Variants in OFD1 observed in about 807,000 individuals in gnomAD.
OFD1 encodes OFD1 centriole and centriolar satellite protein, also known as centriole and centriolar satellite protein OFD1.
A neutral mutation model predicts 81.4 loss-of-function variants in OFD1; 12 were observed. That is an observed-to-expected ratio of 0.15 (90% confidence interval 0.09 to 0.24). The LOEUF (loss-of-function observed/expected upper bound fraction) is 0.24. OFD1 is among the 10% of genes least tolerant of loss of function. OFD1 has a pLI of 1.00. For synonymous variants in OFD1, 256 were observed against 263.7 expected (o/e 0.97, Z 0.28); for missense variants, 685 against 733.9 (o/e 0.93, Z 0.77).
chrX:13,738,793 A>C (rs910827043), intron 3 of OFD1, 53 bp from the exon 4 acceptor site: 4 of 717,014 alleles, frequency 5.6e-6, no homozygotes, highest in Non-Finnish European at 8.8e-6. Context: ...CTAATTTATC[A>C]TTTAAACACT....
rs2047566419 is a variant in OFD1, at chrX:13,753,161, C to T, written c.1056-207C>T. 4 of 1,042,131 alleles carry T rather than the reference C, an allele frequency of 3.8e-6. No homozygotes were observed. In the East Asian group the frequency reaches 1.1e-4, roughly 29 times the overall value. The allele number at this position is 1,042,131 out of a possible 1,213,427, so 85.9% of individuals were successfully genotyped here. A position where few individuals can be genotyped will look rare whatever the true frequency, so the allele number is the denominator to read the frequency against. On this transcript the variant is annotated intron_variant, in intron 10 of 22. Coordinates refer to ENST00000340096, the MANE Select transcript of OFD1 (RefSeq NM_003611.3). ...TTTTGTGTGATTGAGTTTTGGGACC[C>T]AGTTTATAGGATCAAGGAAGGGTTT... is the stretch of plus-strand genomic sequence containing the variant.
chrX:13,754,020 C>T (rs1177536691), intron 11 of OFD1, among the ~76,000 whole-genome samples: 16 of 106,745 alleles, frequency 1.5e-4, no homozygotes, highest in African/African-American at 5.5e-4. Flanking sequence ...CTCGCTCTGT[C>T]ACCTAGGCTG....
chrX:13,761,109 C>T lies in OFD1; in HGVS notation c.2285C>T (p.Ser762Phe), dbSNP rs1457917222. ...GGTCTGGGCAGATCACACATTGCTT[C>T]CCCCAGTCCTTGTCCTGACAGAATG... is the stretch of plus-strand genomic sequence containing the variant. Reference protein sequence around the residue: ...LEGLGRSHIASPSPCPDRMPL... With the variant: ...LEGLGRSHIAFPSPCPDRMPL... Residue 762 changes from serine (S) to phenylalanine (F), a missense_variant, in exon 17 of 23, where the codon TCC becomes TTC. Around this residue, in one of 3 missense-constraint regions of OFD1, gnomAD observed 259 missense variants for 254.4 expected, o/e 1.02. Coordinates refer to ENST00000340096, the MANE Select transcript of OFD1 (RefSeq NM_003611.3). 8.3e-7 allele frequency: 1 copy of T among 1,208,813 alleles called. No individual in the cohort carries two copies. Among genetic ancestry groups the T allele is most frequent in the East Asian group, 3.0e-5 (1 of 33,772 alleles).
At chrX:13,725,681 A>C in the OFD1 span, among the ~76,000 whole-genome samples, 12 of 112,625 alleles carry the variant, frequency 1.1e-4, no homozygotes, top group African/African-American at 3.2e-4. Flanking sequence ...AAAATTCTAA[A>C]AATGAGAGTG....
At chrX:13,734,691 C>G (rs1299487765), upstream of OFD1, 1 of 954,075 alleles carries the variant, frequency 1.0e-6, no homozygotes, top group Non-Finnish European at 1.3e-6. Context: ...CAAGCTCATG[C>G]GCCGTAGCTC....
At chrX:13,770,007 A>C (rs1311648781), downstream of OFD1, among the ~76,000 whole-genome samples, 3 of 112,041 alleles carry the variant, frequency 2.7e-5, no homozygotes, top group Non-Finnish European at 5.6e-5. Context: ...CCTCATACTT[A>C]ATGAATGGGC....
At chrX:13,715,897 T>C in the OFD1 span, 90 of 1,057,043 alleles carry the variant, frequency 8.5e-5, no homozygotes, top group African/African-American at 1.6e-3. Flanking sequence ...GGAAAGCTAG[T>C]CTGAAAGGTA....
intron 8 of OFD1, among the ~76,000 whole-genome samples, 197 bp downstream of exon 8, chrX:13,747,150 G>C (rs763266679): frequency 8.9e-6 from 1 of 112,002 alleles, no homozygotes; most frequent in Non-Finnish European, 1.9e-5. Context: ...TGATGGAAAG[G>C]CGAGAACTGT....
the OFD1 span, among the ~76,000 whole-genome samples, chrX:13,717,304 A>G: frequency 6.3e-5 from 7 of 111,901 alleles, no homozygotes; most frequent in Non-Finnish European, 1.1e-4. Flanking sequence ...TGTCAATAGC[A>G]GGACACAGTC....
upstream of OFD1, chrX:13,733,967 C>A: frequency 2.0e-6 from 1 of 510,726 alleles, no homozygotes. Context: ...CTGGCTGTAA[C>A]ATTTTCATTA....
At chrX:13,724,966 C>G in the OFD1 span, among the ~76,000 whole-genome samples, 21 of 113,387 alleles carry the variant, frequency 1.9e-4, no homozygotes, top group Admixed American at 1.8e-3. Context: ...CCTGGCTCGG[C>G]AGGTCCCACG....
chrX:13,748,076 A>G (rs1343481695), intron 8 of OFD1, among the ~76,000 whole-genome samples: 1 of 112,068 alleles, frequency 8.9e-6, no homozygotes, highest in African/African-American at 3.2e-5. Flanking sequence ...GCTTCTCAAT[A>G]AGACCTAGTT....
At chrX:13,728,449 C>G in the OFD1 span, among the ~76,000 whole-genome samples, 2 of 111,920 alleles carry the variant, frequency 1.8e-5, no homozygotes, top group Non-Finnish European at 1.9e-5. Context: ...GTTCAACATA[C>G]GCAAATCGAT....
rs1364923070 is a variant in OFD1 at position 13,753,225 on chromosome X, T to C, written c.1056-143T>C. ...ATGTTCAGGGGTTATATCCCTGGCT[T>C]TAGTATTGAGGACTTTGAAGTTTAC... On this transcript the variant is annotated intron_variant, in intron 10 of 22. Transcript: ENST00000340096. 4 of 1,118,597 alleles carry C rather than the reference T, an allele frequency of 3.6e-6. No individual in the cohort carries two copies. In the African/African-American group the frequency reaches 7.4e-5, roughly 21 times the overall value. The allele number at this position is 1,118,597 out of a possible 1,213,427, so 92.2% of individuals were successfully genotyped here. A position where few individuals can be genotyped will look rare whatever the true frequency, so the allele number is the denominator to read the frequency against.
At chrX:13,764,887 G>T (rs1278266691) in intron 19 of OFD1, among the ~76,000 whole-genome samples, 2 of 111,355 alleles carry the variant, frequency 1.8e-5, no homozygotes, top group Non-Finnish European at 3.8e-5. Context: ...TCTAGCAGGG[G>T]AGGCAGATGG....
chrX:13,722,208 C>CAAAAAAAAAA, the OFD1 span: 11 of 36,112 alleles, frequency 3.0e-4, no homozygotes, highest in South Asian at 1.2e-3. Context: ...TAAGCAGCAG[C>CAAAAAAAAAA]AAAAAAAAAA....
chrX:13,746,636 A>C, intron 7 of OFD1, 144 bp from the exon 8 acceptor site: 1 of 681,654 alleles, frequency 1.5e-6, no homozygotes, highest in Admixed American at 3.6e-5. Flanking sequence ...GAATCCTACA[A>C]ATAGAGTGAA....
chrX:13,729,990 C>G (rs757149556), upstream of OFD1, among the ~76,000 whole-genome samples: 8 of 111,892 alleles, frequency 7.1e-5, no homozygotes, highest in South Asian at 3.7e-4. Context: ...CTAGGCAATA[C>G]CATTCAGGAC....
the OFD1 span, chrX:13,722,329 G>A: frequency 1.8e-5 from 2 of 109,552 alleles, no homozygotes; most frequent in Admixed American, 1.9e-4. Context: ...AGCCACGAAT[G>A]GGCAAGCAGC....
Sources: allele counts gnomAD v4.1 joint callset (sites outside exome capture counted in the v4.1 genomes callset), GRCh38; gene constraint gnomAD v4.1.1; regional missense constraint gnomAD v4.1.1; transcripts MANE v1.5; gene names NCBI Gene and HGNC (gene_info 2026-07-23, HGNC 2026-07-21).